The following IGFL2 variants were observed in gnomAD, a reference collection of about 807,000 sequenced individuals.
IGFL2 encodes IGF like family member 2, also known as insulin growth factor-like family member 2.
In IGFL2, 7 loss-of-function variants were observed where a neutral mutation model predicts 13.9. The ratio of observed to expected loss-of-function variants is 0.51; its 90% CI spans 0.29 to 0.95. The LOEUF (loss-of-function observed/expected upper bound fraction) is 0.95, where lower values mean the gene tolerates loss of function less well. Ranked by LOEUF, IGFL2 falls within the 40% of genes least tolerant of loss-of-function variation. The probability of loss-of-function intolerance (pLI) is 0.08; values close to 1 mark genes in which losing one functional copy is unlikely to be tolerated. For missense variants in IGFL2, 138 were observed against 147.8 expected, an observed-to-expected ratio of 0.93 and a Z score of 0.34; for synonymous variants, 55 against 55.8, an observed-to-expected ratio of 0.99 and a Z score of 0.07.
At chr19:46,116,685 T>A in the IGFL2 span, among the ~76,000 whole-genome samples, 2 of 152,148 alleles carry the variant, frequency 1.3e-5, no homozygotes, top group Non-Finnish European at 2.9e-5. Flanking sequence ...CCAATTAGTA[T>A]TTTTTTAATG....
chr19:46,129,812 G>C, the IGFL2 span, among the ~76,000 whole-genome samples: 1 of 152,144 alleles, frequency 6.6e-6, no homozygotes, highest in East Asian at 1.9e-4. Flanking sequence ...TGTGCCATGT[G>C]GTGGTGAGAA....
the IGFL2 span, among the ~76,000 whole-genome samples, chr19:46,172,927 A>T: frequency 1.3e-5 from 2 of 152,128 alleles, no homozygotes; most frequent in Non-Finnish European, 2.9e-5. Flanking sequence ...TTTTTGTCTC[A>T]GTGCCTTCAT....
the IGFL2 span, among the ~76,000 whole-genome samples, chr19:46,169,186 A>G: frequency 1.3e-5 from 2 of 152,334 alleles, no homozygotes; most frequent in East Asian, 1.9e-4. Context: ...AGTCTGGGCA[A>G]CAGAGCATGA....
chr19:46,098,184 C>T, the IGFL2 span, among the ~76,000 whole-genome samples: 2 of 152,140 alleles, frequency 1.3e-5, no homozygotes, highest in South Asian at 4.1e-4. Context: ...TTTGGGTGCT[C>T]TTGTATTGGG....
the IGFL2 span, chr19:46,136,942 AGTT>A: frequency 8.6e-7 from 1 of 1,163,426 alleles, no homozygotes; most frequent in Non-Finnish European, 1.3e-6. Context: ...GTGTCTGTAA[AGTT>A]GTTGGCTGCT....
intron 1 of IGFL2, among the ~76,000 whole-genome samples, chr19:46,157,981 T>A (rs905239675): frequency 4.6e-5 from 7 of 152,194 alleles, no homozygotes; most frequent in African/African-American, 1.7e-4. Context: ...ATCGTGTTTC[T>A]TTATACCAAT....
At chr19:46,095,375 G>GT in the IGFL2 span, among the ~76,000 whole-genome samples, 2,025 of 150,606 alleles carry the variant, frequency 0.013, 30 homozygotes, top group Middle Eastern at 0.028. Flanking sequence ...TTGATGGGTT[G>GT]TTTTTTTTTC....
the IGFL2 span, chr19:46,203,231 G>A: frequency 1.3e-5 from 2 of 152,218 alleles, no homozygotes; most frequent in South Asian, 4.1e-4. Context: ...GGGGAGGAAT[G>A]TCACAAGGTT....
the IGFL2 span, among the ~76,000 whole-genome samples, chr19:46,205,269 A>G: frequency 1.4e-4 from 22 of 152,336 alleles, no homozygotes; most frequent in East Asian, 4.1e-3. Context: ...AGACATAGAA[A>G]GGCAGGCTAG....
At chr19:46,169,155 A>G in the IGFL2 span, among the ~76,000 whole-genome samples, 5 of 152,308 alleles carry the variant, frequency 3.3e-5, no homozygotes, top group South Asian at 2.1e-4. Flanking sequence ...GCAGTGAGCT[A>G]TGATTGCACC....
At chr19:46,151,667 T>C (rs1266523199) in intron 1 of IGFL2, among the ~76,000 whole-genome samples, 1 of 152,188 alleles carries the variant, frequency 6.6e-6, no homozygotes, top group Non-Finnish European at 1.5e-5. Flanking sequence ...CCCAGCACTT[T>C]TGGAGGCCAA....
the IGFL2 span, chr19:46,120,010 C>G: frequency 2.6e-6 from 1 of 384,944 alleles, no homozygotes; most frequent in Non-Finnish European, 4.8e-6. Context: ...GTGTGACAGC[C>G]CTCTGTATCC....
the IGFL2 span, among the ~76,000 whole-genome samples, chr19:46,086,260 A>G: frequency 6.6e-6 from 1 of 152,022 alleles, no homozygotes; most frequent in African/African-American, 2.4e-5. Context: ...ATTGTATGTC[A>G]TTGAGAACAA....
the IGFL2 span, among the ~76,000 whole-genome samples, chr19:46,179,745 A>G: frequency 6.6e-6 from 1 of 152,068 alleles, no homozygotes; most frequent in East Asian, 1.9e-4. Context: ...ATGAAACTCC[A>G]TCTCTGCTGA....
the IGFL2 span, among the ~76,000 whole-genome samples, chr19:46,091,210 C>T: frequency 6.6e-6 from 1 of 152,118 alleles, no homozygotes; most frequent in African/African-American, 2.4e-5. Flanking sequence ...CCCTTCTTCC[C>T]AAATGCCTGT....
intron 1 of IGFL2, among the ~76,000 whole-genome samples, chr19:46,150,732 G>A (rs1354768465): frequency 6.6e-6 from 1 of 152,130 alleles, no homozygotes; most frequent in Admixed American, 6.5e-5. Context: ...GTGCAGTGGT[G>A]TGATCACAGC....
chr19:46,164,339 A>AGCTGT (rs1465496320), downstream of IGFL2: 1 of 152,244 alleles, frequency 6.6e-6, no homozygotes, highest in Non-Finnish European at 1.5e-5. Context: ...TTGGTGGAGC[A>AGCTGT]GCTGTGCTGT....
the IGFL2 span, among the ~76,000 whole-genome samples, chr19:46,106,497 G>T: frequency 1.3e-5 from 2 of 152,120 alleles, no homozygotes; most frequent in Non-Finnish European, 2.9e-5. Flanking sequence ...AAGAGAGGCT[G>T]GGATGAAGGG....
At chr19:46,124,096 A>G in the IGFL2 span, 1 of 1,611,470 alleles carries the variant, frequency 6.2e-7, no homozygotes, top group Admixed American at 1.7e-5. Flanking sequence ...AGGGTTGTAG[A>G]TCTTGTTCCC....
Sources: gnomAD v4.1 joint callset for allele counts (sites outside exome capture counted in the v4.1 genomes callset) on GRCh38, gnomAD v4.1.1 for gene constraint, MANE v1.5 for transcripts, NCBI Gene and HGNC (gene_info 2026-07-23, HGNC 2026-07-21) for gene names.